DRC11: variants seen among roughly 807,000 people sequenced by gnomAD.
DRC11 encodes the protein dynein regulatory complex subunit 11.
the DRC11 span, among the ~76,000 whole-genome samples, chr2:236,418,737 A>C: frequency 6.6e-6 from 1 of 152,270 alleles, no homozygotes; most frequent in Admixed American, 6.5e-5. Flanking sequence ...TAGATGATAA[A>C]TTTGAACAAA....
the DRC11 span, among the ~76,000 whole-genome samples, chr2:236,357,486 A>G: frequency 3.2e-4 from 41 of 127,238 alleles, 1 homozygote; most frequent in East Asian, 1.6e-3. Context: ...ATATTTATAT[A>G]TTATAAATAC....
At chr2:236,444,073 T>C in the DRC11 span, among the ~76,000 whole-genome samples, 1 of 152,190 alleles carries the variant, frequency 6.6e-6, no homozygotes, top group Non-Finnish European at 1.5e-5. Flanking sequence ...AAGTTCCTTG[T>C]AGACTCTGGA....
chr2:236,395,538 G>A, the DRC11 span, among the ~76,000 whole-genome samples: 1 of 152,156 alleles, frequency 6.6e-6, no homozygotes, highest in East Asian at 1.9e-4. Context: ...GAGAGTTTAC[G>A]ACTCCTGCAT....
the DRC11 span, among the ~76,000 whole-genome samples, chr2:236,356,108 C>CCTCA: frequency 6.6e-6 from 1 of 152,126 alleles, no homozygotes; most frequent in Non-Finnish European, 1.5e-5. Flanking sequence ...TCTCCCAGGT[C>CCTCA]CTCACTCTAA....
the DRC11 span, among the ~76,000 whole-genome samples, chr2:236,399,761 T>C: frequency 6.6e-6 from 1 of 152,208 alleles, no homozygotes; most frequent in African/African-American, 2.4e-5. This position sits in a 1 kb window ranked among gnomAD's most constrained non-coding sequence, Gnocchi z 7.0. Context: ...GATCCTGTCT[T>C]CTTTTTTGAT....
chr2:236,465,165 C>T, the DRC11 span, among the ~76,000 whole-genome samples: 1 of 152,050 alleles, frequency 6.6e-6, no homozygotes, highest in Non-Finnish European at 1.5e-5. The surrounding 1 kb of genome is among the most constrained non-coding windows in gnomAD (Gnocchi z 6.2). Flanking sequence ...GAATCTCAAG[C>T]TTCTTACAAG....
At chr2:236,470,804 G>C in the DRC11 span, among the ~76,000 whole-genome samples, 1 of 152,062 alleles carries the variant, frequency 6.6e-6, no homozygotes, top group Non-Finnish European at 1.5e-5. This position sits in a 1 kb window ranked among gnomAD's most constrained non-coding sequence, Gnocchi z 5.1. Context: ...CTTTATCTCA[G>C]ATGCAACAAT....
At chr2:236,377,207 T>C in the DRC11 span, 1 of 1,491,678 alleles carries the variant, frequency 6.7e-7, no homozygotes, top group Non-Finnish European at 9.4e-7. The surrounding 1 kb of genome is among the most constrained non-coding windows in gnomAD (Gnocchi z 4.9). Context: ...GCAGAGTGTC[T>C]GTTCCAGAGG....
chr2:236,334,488 G>A, the DRC11 span, among the ~76,000 whole-genome samples: 2 of 152,100 alleles, frequency 1.3e-5, no homozygotes, highest in Admixed American at 6.5e-5. The surrounding 1 kb of genome is among the most constrained non-coding windows in gnomAD (Gnocchi z 7.8). Flanking sequence ...GAGTGTTGAG[G>A]GCAGCAGAGG....
chr2:236,494,200 C>T, the DRC11 span, among the ~76,000 whole-genome samples: 3 of 152,100 alleles, frequency 2.0e-5, no homozygotes, highest in Non-Finnish European at 4.4e-5. The surrounding 1 kb of genome is among the most constrained non-coding windows in gnomAD (Gnocchi z 4.2). Flanking sequence ...AATATTACCT[C>T]GTTTTACCTA....
chr2:236,429,742 A>C, the DRC11 span, among the ~76,000 whole-genome samples: 3 of 151,980 alleles, frequency 2.0e-5, no homozygotes, highest in African/African-American at 7.2e-5. The surrounding 1 kb of genome is among the most constrained non-coding windows in gnomAD (Gnocchi z 5.9). Flanking sequence ...GGCTGTGCTC[A>C]CTGTGGCAGG....
chr2:236,494,520 G>A, the DRC11 span, among the ~76,000 whole-genome samples: 1 of 152,190 alleles, frequency 6.6e-6, no homozygotes, highest in Non-Finnish European at 1.5e-5. This position sits in a 1 kb window ranked among gnomAD's most constrained non-coding sequence, Gnocchi z 4.2. Flanking sequence ...GAGTACAGAA[G>A]TGCTATTTAA....
chr2:236,429,864 G>T, the DRC11 span, among the ~76,000 whole-genome samples: 547 of 152,242 alleles, frequency 3.6e-3, 3 homozygotes, highest in African/African-American at 0.012. This position sits in a 1 kb window ranked among gnomAD's most constrained non-coding sequence, Gnocchi z 5.9. Context: ...AAAGCTGAAG[G>T]GGGTCCCCTG....
chr2:236,444,680 G>A, the DRC11 span, among the ~76,000 whole-genome samples: 4,390 of 152,298 alleles, frequency 0.029, 209 homozygotes, highest in African/African-American at 0.1. Flanking sequence ...CCACTGAGCT[G>A]CCCTCTGGGG....
At chr2:236,332,518 A>G in the DRC11 span, 1 of 152,198 alleles carries the variant, frequency 6.6e-6, no homozygotes, top group Non-Finnish European at 1.5e-5. This position sits in a 1 kb window ranked among gnomAD's most constrained non-coding sequence, Gnocchi z 5.1. Context: ...CTGGTCAAAT[A>G]TTTCTAAACC....
the DRC11 span, among the ~76,000 whole-genome samples, chr2:236,492,869 G>A: frequency 6.6e-6 from 1 of 152,224 alleles, no homozygotes; most frequent in East Asian, 1.9e-4. Flanking sequence ...AAATCCTGTG[G>A]ACAAAGGAGG....
chr2:236,327,478 C>G, the DRC11 span, among the ~76,000 whole-genome samples: 12 of 152,236 alleles, frequency 7.9e-5, no homozygotes, highest in South Asian at 2.3e-3. Flanking sequence ...CTCCTGACTT[C>G]AAGCGATCTG....
chr2:236,361,253 TAAG>T, the DRC11 span, among the ~76,000 whole-genome samples: 9 of 152,116 alleles, frequency 5.9e-5, no homozygotes, highest in South Asian at 2.1e-4. This position sits in a 1 kb window ranked among gnomAD's most constrained non-coding sequence, Gnocchi z 5.7. Context: ...AAATAAAAAA[TAAG>T]AAGATCAGAA....
chr2:236,324,610 C>T, the DRC11 span: 1 of 826,390 alleles, frequency 1.2e-6, no homozygotes, highest in South Asian at 1.5e-5. The surrounding 1 kb of genome is among the most constrained non-coding windows in gnomAD (Gnocchi z 5.7). Flanking sequence ...GAGTTGGGGT[C>T]CTCTCCATCC....
Sources: gnomAD v4.1 joint callset for allele counts (sites outside exome capture counted in the v4.1 genomes callset) on GRCh38, gnomAD v4.1.1 for gene constraint, Gnocchi (gnomAD v3.1) non-coding constraint, MANE v1.5 for transcripts, NCBI Gene and HGNC (gene_info 2026-07-23, HGNC 2026-07-21) for gene names.